ANKUB1: variants seen among roughly 807,000 people sequenced by gnomAD.
ANKUB1 encodes ankyrin repeat and ubiquitin domain containing 1, also known as protein ANKUB1.
Under a neutral mutation model 49.3 loss-of-function variants are expected in ANKUB1, and 42 were observed. That is an observed-to-expected ratio of 0.85 (90% confidence interval 0.67 to 1.10). The LOEUF is 1.10. Among genes scored for constraint, ANKUB1 ranks in the 50% least tolerant of loss-of-function variants. The pLI, the probability that ANKUB1 is intolerant of heterozygous loss-of-function variation, is 0.00. For missense variants in ANKUB1, 613 were observed against 642.0 expected, an observed-to-expected ratio of 0.95 and a Z score of 0.49; for synonymous variants, 222 against 231.0, an observed-to-expected ratio of 0.96 and a Z score of 0.35.
At chr3:149,768,962 C>T (rs1048936645) in intron 4 of ANKUB1, among the ~76,000 whole-genome samples, 1 of 152,012 alleles carries the variant, frequency 6.6e-6, no homozygotes, top group Non-Finnish European at 1.5e-5. Flanking sequence ...CAGTGTCTGC[C>T]GTAAAGTATT....
At chr3:149,775,658 C>T (rs561647722) in intron 3 of ANKUB1, among the ~76,000 whole-genome samples, 2 of 152,118 alleles carry the variant, frequency 1.3e-5, no homozygotes, top group South Asian at 4.2e-4. Context: ...GTGAAGAGTA[C>T]CAATTGGTAT....
In ANKUB1 at chr3:149,767,933, G is replaced by A; in HGVS notation, c.729C>T (p.Pro243=). 1 of 1,549,484 alleles carries A rather than the reference G, an allele frequency of 6.5e-7. No individual in the cohort carries two copies. The highest frequency in any genetic ancestry group is 8.7e-7 in the Non-Finnish European group (1 of 1,145,094). The change falls in exon 5 of 6, where the codon CCC becomes CCT. Residue 243 remains proline, a synonymous_variant. Coordinates refer to ENST00000446160, the MANE Select transcript of ANKUB1 (RefSeq NM_001144960.3). Reference sequence around the variant, plus strand: ...GGCCTGCTTCTGCGGCTGCATGAATGGGGCATTTAGAGACATCTGCATGAA... The same window carrying A: ...GGCCTGCTTCTGCGGCTGCATGAATAGGGCATTTAGAGACATCTGCATGAA... ...EALHADVSKC[P]IHAAAEAGQL... is the part of the protein sequence containing the mutation.
chr3:149,771,283 C>T (rs1034191745), intron 3 of ANKUB1, among the ~76,000 whole-genome samples: 1 of 152,160 alleles, frequency 6.6e-6, no homozygotes, highest in Non-Finnish European at 1.5e-5. Flanking sequence ...GCCTTCCGTT[C>T]TTCTCAATTT....
In ANKUB1 at chr3:149,792,209, A is replaced by C. The variant is rs929080459; in HGVS notation, c.90+68T>G. On this transcript the variant is annotated intron_variant, in intron 1 of 5. Coordinates refer to ENST00000446160, the MANE Select transcript of ANKUB1 (RefSeq NM_001144960.3). ...ACCCAATAGCATCTCTACCCTTTGTACATTTTTAAATGCACTGCATTGTTA... is the reference window on the plus strand; with the variant it reads ...ACCCAATAGCATCTCTACCCTTTGTCCATTTTTAAATGCACTGCATTGTTA... 41 of 1,148,740 alleles carry C rather than the reference A, an allele frequency of 3.6e-5. 1 individual carries two copies. Among genetic ancestry groups the C allele is most frequent in the Non-Finnish European group, 4.7e-5 (40 of 851,458 alleles). 71.2% of individuals were successfully genotyped at this position (1,148,740 alleles called of 1,614,324 possible).
In ANKUB1 at chr3:149,761,349, T is replaced by A. The variant is rs940652424; in HGVS notation, c.*135A>T. 2.0e-6 allele frequency: 2 copies of A among 1,024,874 alleles called. No individual in the cohort carries two copies. Among genetic ancestry groups the A allele is most frequent in the South Asian group, 4.1e-5 (2 of 48,496 alleles). The allele number at this position is 1,024,874 out of a possible 1,614,324, so 63.5% of individuals were successfully genotyped here. ...GTCTGAGAAAACATGGTGTTAAATA[T>A]CCTATTAAAAGTTATGTGGCATTAT... On this transcript the variant is annotated 3_prime_UTR_variant, in exon 6 of 6. Coordinates refer to ENST00000446160, the MANE Select transcript of ANKUB1 (RefSeq NM_001144960.3).
At position 149,792,515 on chromosome 3, in the gene ANKUB1, G is replaced by C; in HGVS notation, c.-149C>G. 2.0e-6 allele frequency: 1 copy of C among 507,418 alleles called. No individual in the cohort carries two copies. The highest frequency in any genetic ancestry group is 3.3e-5 in the East Asian group (1 of 30,482). The allele number at this position is 507,418 out of a possible 1,614,324, so 31.4% of individuals were successfully genotyped here. On this transcript the variant is annotated 5_prime_UTR_variant, in exon 1 of 6. Transcript: ENST00000446160. ...GCCTCAAAGGTAAGTTGTAGAATGT[G>C]AAGAGCCTAGTCCCACAGTGCCACA...
intron 2 of ANKUB1, among the ~76,000 whole-genome samples, 168 bp from the exon 3 acceptor site, chr3:149,780,623 T>C (rs577831626): frequency 6.6e-6 from 1 of 152,294 alleles, no homozygotes; most frequent in East Asian, 1.9e-4. Flanking sequence ...TCTTATGTCC[T>C]GAGATATTAA....
chr3:149,773,392 C>T (rs1717450196), intron 3 of ANKUB1, among the ~76,000 whole-genome samples: 1 of 152,172 alleles, frequency 6.6e-6, no homozygotes, highest in African/African-American at 2.4e-5. Flanking sequence ...CGTTACTACC[C>T]TCATCCCCCT....
At chr3:149,778,389 A>T (rs1717699171) in intron 3 of ANKUB1, 2 of 152,220 alleles carry the variant, frequency 1.3e-5, no homozygotes, top group African/African-American at 4.8e-5. Context: ...TTAATCATTA[A>T]GATGATTTGC....
Position 149,789,057 on chromosome 3 carries a change from A to G in ANKUB1, c.234+1724T>C, listed in dbSNP as rs779596392. Among the ~76,000 whole-genome samples, 27 of 151,544 alleles carry G rather than the reference A, an allele frequency of 1.8e-4. 1 individual carries two copies. The highest frequency in any genetic ancestry group is 3.7e-4 in the Non-Finnish European group (25 of 67,782). Reference sequence around the variant, plus strand: ...CCTAAAGTGCTGGGTTACAGGTGTGAGCCACCACACCTGGCCAGGATACTT... The same window carrying G: ...CCTAAAGTGCTGGGTTACAGGTGTGGGCCACCACACCTGGCCAGGATACTT... On this transcript the variant is annotated intron_variant, in intron 2 of 5. Transcript: ENST00000446160.
intron 3 of ANKUB1, among the ~76,000 whole-genome samples, chr3:149,775,393 G>A (rs1176587673): frequency 6.6e-6 from 1 of 152,192 alleles, no homozygotes; most frequent in Admixed American, 6.5e-5. Flanking sequence ...AAAGAACCCA[G>A]TCCTGGGTGT....
chr3:149,766,977 A>G, intron 5 of ANKUB1, 180 bp downstream of exon 5: 1 of 1,002,180 alleles, frequency 1.0e-6, no homozygotes, highest in South Asian at 1.5e-5. Context: ...ATTGGCCAAT[A>G]ATATTAATTC....
At chr3:149,786,805 C>G (rs535789848) in intron 2 of ANKUB1, among the ~76,000 whole-genome samples, 18 of 152,168 alleles carry the variant, frequency 1.2e-4, no homozygotes, top group Non-Finnish European at 1.9e-4. Flanking sequence ...AGCCAGTTTT[C>G]CCAGCACCAT....
chr3:149,779,834 A>C, intron 3 of ANKUB1: 1 of 182,892 alleles, frequency 5.5e-6, no homozygotes, highest in South Asian at 1.1e-4. Context: ...GACCCTCCTT[A>C]TTTCTTAGTC....
intron 5 of ANKUB1, among the ~76,000 whole-genome samples, chr3:149,765,990 C>G (rs955046424): frequency 6.6e-6 from 1 of 152,218 alleles, no homozygotes; most frequent in African/African-American, 2.4e-5. Context: ...AAGACCAGTA[C>G]AGAAAAGCAA....
rs563436531 is a variant in ANKUB1 at position 149,765,261 on chromosome 3, G to C, written c.1505+1896C>G. 3.3e-5 allele frequency among the ~76,000 whole-genome samples: 5 copies of C among 152,250 alleles called. No homozygotes were observed. In the South Asian group the frequency reaches 1.0e-3, roughly 32 times the overall value. ...CCCTTTATATGAAGTTCAAGAACAG[G>C]CTAAAGTAATCTTCGGTGATAGAGA... On this transcript the variant is annotated intron_variant, in intron 5 of 5. Transcript: ENST00000446160.
At chr3:149,788,896 C>T (rs1718232332) in intron 2 of ANKUB1, among the ~76,000 whole-genome samples, 1 of 152,008 alleles carries the variant, frequency 6.6e-6, no homozygotes, top group East Asian at 1.9e-4. Flanking sequence ...TTTCCTCAGC[C>T]TCCTGAGTAG....
intron 3 of ANKUB1, among the ~76,000 whole-genome samples, chr3:149,773,438 A>G (rs1013128929): frequency 2.6e-5 from 4 of 152,170 alleles, no homozygotes; most frequent in Admixed American, 2.0e-4. Context: ...GGCCTCAGCT[A>G]GAAGAGTTTA....
intron 5 of ANKUB1, among the ~76,000 whole-genome samples, chr3:149,765,934 C>T (rs1371861724): frequency 6.6e-6 from 1 of 152,210 alleles, no homozygotes; most frequent in Non-Finnish European, 1.5e-5. Context: ...ATTACTCTCA[C>T]CACAAGGTGG....
Sources: gnomAD v4.1 joint callset for allele counts (sites outside exome capture counted in the v4.1 genomes callset) on GRCh38, gnomAD v4.1.1 for gene constraint, MANE v1.5 for transcripts, NCBI Gene and HGNC (gene_info 2026-07-23, HGNC 2026-07-21) for gene names.